The following RALYL variants were observed in gnomAD, a reference collection of about 807,000 sequenced individuals.
RALYL encodes the protein RNA-binding Raly-like protein.
In RALYL, 29 loss-of-function variants were observed where a neutral mutation model predicts 35.1. The ratio of observed to expected loss-of-function variants is 0.83; its 90% CI spans 0.61 to 1.13. The LOEUF (loss-of-function observed/expected upper bound fraction) is 1.13, where lower values mean the gene tolerates loss of function less well. RALYL is among the 50% of genes most tolerant of loss of function. The probability of loss-of-function intolerance (pLI) is 0.00; values close to 1 mark genes in which losing one functional copy is unlikely to be tolerated. For missense variants in RALYL, 359 were observed against 360.4 expected (o/e 1.00, Z 0.03); for synonymous variants, 120 against 127.6 (o/e 0.94, Z 0.40).
chr8:84,209,012 T>C (rs895904641), intron 1 of RALYL, among the ~76,000 whole-genome samples: 4 of 151,542 alleles, frequency 2.6e-5, no homozygotes, highest in African/African-American at 9.7e-5. Context: ...GGCTGTACTT[T>C]AGTTTTAAAT....
intron 2 of RALYL, among the ~76,000 whole-genome samples, chr8:84,693,377 CA>C (rs1244099504): frequency 6.6e-6 from 1 of 151,722 alleles, no homozygotes; most frequent in Non-Finnish European, 1.5e-5. Flanking sequence ...AAATGTCAAG[CA>C]AAAGGGGAAA....
intron 5 of RALYL, among the ~76,000 whole-genome samples, chr8:84,854,388 G>A (rs539429942): frequency 1.3e-5 from 2 of 152,028 alleles, no homozygotes; most frequent in African/African-American, 4.8e-5. Flanking sequence ...AAAAAATAAT[G>A]GTAGATGTAT....
chr8:84,502,166 C>T (rs925904271), intron 1 of RALYL, among the ~76,000 whole-genome samples: 1 of 151,804 alleles, frequency 6.6e-6, no homozygotes, highest in Admixed American at 6.6e-5. Context: ...GAAGAATAAA[C>T]GTTTACACAG....
intron 2 of RALYL, among the ~76,000 whole-genome samples, chr8:84,723,725 A>G (rs1244593102): frequency 1.3e-5 from 2 of 151,916 alleles, no homozygotes; most frequent in East Asian, 1.9e-4. Context: ...AAAGATTCAC[A>G]TGAGAATATT....
At chr8:84,359,459 T>A (rs1016001157) in intron 1 of RALYL, among the ~76,000 whole-genome samples, 1 of 151,960 alleles carries the variant, frequency 6.6e-6, no homozygotes, top group Non-Finnish European at 1.5e-5. Flanking sequence ...ATATATAGAT[T>A]TAATATTTAA....
chr8:84,766,720 CAAAAAAAAAAAA>C (rs751821694), intron 2 of RALYL, among the ~76,000 whole-genome samples: 11 of 18,018 alleles, frequency 6.1e-4, no homozygotes, highest in East Asian at 4.5e-3. Flanking sequence ...GAGACTGTCT[CAAAAAAAAAAAA>C]AAAAAAAAAA....
intron 8 of RALYL, among the ~76,000 whole-genome samples, chr8:84,896,646 C>G (rs1194177640): frequency 6.6e-6 from 1 of 152,206 alleles, no homozygotes; most frequent in Admixed American, 6.5e-5. Flanking sequence ...CAGGCACACA[C>G]TGCTCAGCTC....
chr8:84,742,990 C>T (rs908128175), intron 2 of RALYL, among the ~76,000 whole-genome samples: 2 of 151,954 alleles, frequency 1.3e-5, no homozygotes, highest in African/African-American at 4.8e-5. Context: ...TCAATTTATC[C>T]ATCCCTTTTC....
chr8:84,570,751 T>C (rs1807762368), intron 2 of RALYL, among the ~76,000 whole-genome samples: 1 of 151,986 alleles, frequency 6.6e-6, no homozygotes, highest in South Asian at 2.1e-4. Context: ...TATTTTGAAG[T>C]ATTTTCCTTT....
At chr8:84,226,329 C>T (rs191022855) in intron 1 of RALYL, among the ~76,000 whole-genome samples, 1 of 152,248 alleles carries the variant, frequency 6.6e-6, no homozygotes, top group Admixed American at 6.5e-5. Flanking sequence ...AAAATTGGTC[C>T]CTGGTGCCAA....
At chr8:84,213,617 T>G (rs909695363) in intron 1 of RALYL, among the ~76,000 whole-genome samples, 1 of 152,198 alleles carries the variant, frequency 6.6e-6, no homozygotes, top group African/African-American at 2.4e-5. Flanking sequence ...GTGTCTCTTT[T>G]TGGTTCAAGA....
chr8:84,857,432 T>A (rs972397009), intron 5 of RALYL, among the ~76,000 whole-genome samples: 1 of 152,196 alleles, frequency 6.6e-6, no homozygotes, highest in African/African-American at 2.4e-5. Flanking sequence ...AAGAAACAGG[T>A]AAATACCAGA....
Position 84,370,423 on chromosome 8 carries a change from T to G in RALYL, c.-23-158876T>G, listed in dbSNP as rs1176022912. ...TTAGAGTAGTTAGAACATGGGAAAT[T>G]TTACATACAACCACACACACACACA... On this transcript the variant is annotated intron_variant, in intron 1 of 8. Coordinates refer to ENST00000521268, the MANE Select transcript of RALYL (RefSeq NM_173848.7). 2.7e-5 allele frequency among the ~76,000 whole-genome samples: 4 copies of G among 149,818 alleles called. No individual in the cohort carries two copies. The South Asian group carries it at 6.2e-4, about 23-fold the overall frequency.
intron 4 of RALYL, among the ~76,000 whole-genome samples, chr8:84,818,632 A>T (rs1321472063): frequency 6.6e-6 from 1 of 152,168 alleles, no homozygotes; most frequent in Non-Finnish European, 1.5e-5. Context: ...TAATACAAGG[A>T]GCTTTCTGCT....
At chr8:84,869,421 T>C (rs1839787217) in intron 6 of RALYL, among the ~76,000 whole-genome samples, 1 of 152,210 alleles carries the variant, frequency 6.6e-6, no homozygotes, top group Non-Finnish European at 1.5e-5. Flanking sequence ...ATTAATGTGA[T>C]TTACTGTCAA....
intron 1 of RALYL, among the ~76,000 whole-genome samples, chr8:84,497,347 C>T (rs555370855): frequency 6.6e-6 from 1 of 152,240 alleles, no homozygotes; most frequent in African/African-American, 2.4e-5. Context: ...AATATGGTGA[C>T]TATACCTTCT....
chr8:84,511,907 G>A (rs993075355), intron 1 of RALYL, among the ~76,000 whole-genome samples: 7 of 152,074 alleles, frequency 4.6e-5, no homozygotes, highest in African/African-American at 7.2e-5. Flanking sequence ...ATTCCATTGC[G>A]TATGTACACC....
At chr8:84,507,432 T>C (rs1023282390) in intron 1 of RALYL, among the ~76,000 whole-genome samples, 1 of 152,054 alleles carries the variant, frequency 6.6e-6, no homozygotes, top group Non-Finnish European at 1.5e-5. Context: ...GCCCAGAAAT[T>C]GTGGTTCGGT....
intron 3 of RALYL, among the ~76,000 whole-genome samples, chr8:84,784,369 A>C (rs868050021): frequency 6.6e-6 from 1 of 151,900 alleles, no homozygotes. Flanking sequence ...ATTAATGAGA[A>C]ACCAAACAGC....
Sources: allele counts gnomAD v4.1 joint callset (sites outside exome capture counted in the v4.1 genomes callset), GRCh38; gene constraint gnomAD v4.1.1; transcripts MANE v1.5; gene names NCBI Gene and HGNC (gene_info 2026-07-23, HGNC 2026-07-21).